The following IARS1 variants were observed in gnomAD, a reference collection of about 807,000 sequenced individuals.
IARS1 encodes the protein isoleucine--tRNA ligase, cytoplasmic.
IARS1 carries 124 observed loss-of-function variants against 168.2 expected under a neutral mutation model. The ratio of observed to expected loss-of-function variants is 0.74; its 90% CI spans 0.64 to 0.86. IARS1 has a LOEUF of 0.86. Ranked by LOEUF, IARS1 falls within the 40% of genes least tolerant of loss-of-function variation. The pLI is 0.00. For synonymous variants in IARS1, 532 were observed against 529.4 expected, an observed-to-expected ratio of 1.00 and a Z score of -0.07; for missense variants, 1,452 against 1,515.8, an observed-to-expected ratio of 0.96 and a Z score of 0.70.
chr9:92,222,726 C>T, intron 32 of IARS1, 54 bp from the exon 33 acceptor site: 2 of 1,594,298 alleles, frequency 1.3e-6, no homozygotes, highest in Non-Finnish European at 1.7e-6. Context: ...CCTCTAGCTC[C>T]AAAAGAGGTG....
chr9:92,255,717 T>C (rs1830622297), intron 20 of IARS1, among the ~76,000 whole-genome samples: 1 of 152,200 alleles, frequency 6.6e-6, no homozygotes, highest in Non-Finnish European at 1.5e-5. Flanking sequence ...CTACTTTATG[T>C]AAATCGTCTC....
chr9:92,286,610 A>C lies in IARS1; in HGVS notation c.405T>G (p.Val135=), dbSNP rs1433892817. The C allele has an allele frequency of 1.3e-6, 2 of 1,536,212 alleles. No individual in the cohort carries two copies. Among genetic ancestry groups the C allele is most frequent in the African/African-American group, 2.7e-5 (2 of 73,452 alleles). ...MRYSAEWKST[V]SRLGRWIDFD... ...AGTCAATCCATCGGCCAAGTCTGCT[A>C]ACAGTAGACTTTAAAATATTAATAT... Residue 135 remains valine, a synonymous_variant, in exon 5 of 34, where the codon GTT becomes GTG. Transcript: ENST00000443024.
Position 92,242,197 on chromosome 9 carries a change from G to C in IARS1, c.3134C>G (p.Pro1045Arg). ...TTIKAPLKPY[P>R]VSPSDKVLIQ... ...AAGGACTTTATCCGATGGAGAAACT[G>C]GATATGGTTTCAAGGGAGCCTTTAT... Residue 1045 changes from proline (P) to arginine (R), a missense_variant, in exon 29 of 34, where the codon CCA (proline) becomes CGA (arginine). Physicochemically the swap from Pro to Arg is moderately radical, Grantham distance 103. Transcript: ENST00000443024. 6.2e-7 allele frequency: 1 copy of C among 1,614,060 alleles called. No individual in the cohort carries two copies. Among genetic ancestry groups the C allele is most frequent in the African/African-American group, 1.3e-5 (1 of 75,054 alleles).
Position 92,222,630 on chromosome 9 carries a change from G to C in IARS1, c.3596C>G (p.Pro1199Arg), listed in dbSNP as rs753563429. 1 of 1,614,032 alleles carries C rather than the reference G, an allele frequency of 6.2e-7. No homozygotes were observed. The highest frequency in any genetic ancestry group is 1.7e-5 in the Admixed American group (1 of 59,994). The stretch of plus-strand genomic sequence containing the variant: ...GTGGGTGAGTCCATTCTGCCCAAGT[G>C]GGTTTTCAAGCAGGAGAGTGCCCAC... ...GTVGTLLLEN[P>R]LGQNGLTHQG... Residue 1199 changes from proline (P) to arginine (R), a missense_variant, in exon 33 of 34, where the codon CCA becomes CGA. Coordinates refer to ENST00000443024, the MANE Select transcript of IARS1 (RefSeq NM_002161.6).
chr9:92,258,978 G>A lies in IARS1; in HGVS notation c.1892C>T (p.Pro631Leu), dbSNP rs145468191. The stretch of plus-strand genomic sequence containing the variant: ...GCGGAGGTTTTCTGCTCTCACCACA[G>A]GGGAGTTAATCAGATATAATCTGGA... ...DALRLYLINS[P>L]VVRAENLRFK... The change falls in exon 19 of 34, where the codon CCT becomes CTT. Residue 631 changes from proline to leucine, a missense_variant. Coordinates refer to ENST00000443024, the MANE Select transcript of IARS1 (RefSeq NM_002161.6). The A allele has an allele frequency of 3.1e-5, 50 of 1,611,148 alleles. No homozygotes were observed. In the African/African-American group the frequency reaches 6.4e-4, roughly 21 times the overall value.
chr9:92,256,341 C>CTTT (rs770667744), intron 20 of IARS1: 1 of 144,162 alleles, frequency 6.9e-6, no homozygotes, highest in Admixed American at 7.0e-5. Context: ...GGCCAGCTAA[C>CTTT]TTTTTTTTTT....
rs756860977 is a variant in IARS1 at position 92,287,865 on chromosome 9, C to A, written c.322G>T (p.Val108Leu). 6.2e-7 allele frequency: 1 copy of A among 1,613,964 alleles called. No homozygotes were observed. Among genetic ancestry groups the A allele is most frequent in the South Asian group, 1.1e-5 (1 of 91,062 alleles). Reference sequence around the variant, plus strand: ...TACTCTGTAATCCCCATTTTGGCCACATCCTCTGGTCCTCTGATTCCCAGT... The same window carrying A: ...TACTCTGTAATCCCCATTTTGGCCAAATCCTCTGGTCCTCTGATTCCCAGT... ...KTLGIRGPED[V>L]AKMGITEYNN... is the part of the protein sequence containing the mutation. The change falls in exon 4 of 34, where the codon GTG (valine) becomes TTG (leucine). Residue 108 changes from valine to leucine, a missense_variant. Val to Leu is a conservative substitution (Grantham distance 32). Coordinates refer to ENST00000443024, the MANE Select transcript of IARS1 (RefSeq NM_002161.6).
At chr9:92,217,599 C>A (rs1023971489) in intron 33 of IARS1, among the ~76,000 whole-genome samples, 1 of 151,044 alleles carries the variant, frequency 6.6e-6, no homozygotes, top group African/African-American at 2.4e-5. Context: ...GATATCACCA[C>A]CGATCCCACA....
intron 33 of IARS1, among the ~76,000 whole-genome samples, chr9:92,213,328 T>C (rs755502201): frequency 1.5e-4 from 23 of 152,202 alleles, no homozygotes; most frequent in Middle Eastern, 3.4e-3. Flanking sequence ...AAGAAACCCA[T>C]AGCAAAAGGG....
At chr9:92,278,308 T>C (rs1834048601) in intron 7 of IARS1, 22 bp from the exon 8 acceptor site, 1 of 1,512,600 alleles carries the variant, frequency 6.6e-7, no homozygotes, top group Admixed American at 1.7e-5. Flanking sequence ...AGGAAAAACA[T>C]GGACTTGGGT....
intron 31 of IARS1, 147 bp from the exon 32 acceptor site, chr9:92,223,636 A>G (rs902557448): frequency 3.1e-6 from 2 of 644,862 alleles, no homozygotes; most frequent in Non-Finnish European, 5.2e-6. Context: ...TGCCTTTTCT[A>G]TAAAACCAGC....
chr9:92,244,746 T>C (rs1435419092), intron 27 of IARS1, among the ~76,000 whole-genome samples: 1 of 152,166 alleles, frequency 6.6e-6, no homozygotes, highest in Non-Finnish European at 1.5e-5. Flanking sequence ...CATGTAGAAA[T>C]CACAAAATGC....
Position 92,243,221 on chromosome 9 carries a change from T to A in IARS1, c.2995A>T (p.Lys999Ter). ...EVINRIQKLR[K>*]KCNLVPTDEI... ...TTCTTAACTGACAAACTAACCTTTT[T>A]GCGAAGTTTCTGTATGCGATTGATG... Residue 999 changes from lysine (K) to a stop codon, truncating the protein, a stop_gained, in exon 28 of 34, where the codon AAA (lysine) becomes TAA (stop). Transcript: ENST00000443024. LOFTEE classifies it high-confidence loss of function. 1.2e-6 allele frequency: 2 copies of A among 1,612,716 alleles called. No homozygotes were observed. The highest frequency in any genetic ancestry group is 1.7e-6 in the Non-Finnish European group (2 of 1,178,814).
At chr9:92,222,705 C>G (rs777771194) in intron 32 of IARS1, 33 bp from the exon 33 acceptor site, 1 of 1,610,626 alleles carries the variant, frequency 6.2e-7, no homozygotes, top group African/African-American at 1.3e-5. Context: ...GATTAAATCT[C>G]GAGAGTTCAC....
At chr9:92,256,082 T>C (rs887292189) in intron 20 of IARS1, among the ~76,000 whole-genome samples, 14 of 151,046 alleles carry the variant, frequency 9.3e-5, no homozygotes, top group Non-Finnish European at 1.8e-4. Flanking sequence ...TGGGAACAAG[T>C]GGTAGAGTTG....
chr9:92,253,520 G>C, intron 20 of IARS1, 67 bp from the exon 21 acceptor site: 1 of 999,660 alleles, frequency 1.0e-6, no homozygotes, highest in Non-Finnish European at 1.6e-6. Context: ...GGAGAGGGTT[G>C]GATACAACAA....
intron 20 of IARS1, among the ~76,000 whole-genome samples, chr9:92,256,044 C>A (rs765815776): frequency 6.6e-6 from 1 of 151,604 alleles, no homozygotes; most frequent in Admixed American, 6.6e-5. Context: ...AGGAAATTGA[C>A]GGTCAGACTT....
chr9:92,229,168 A>AG (rs1383197929), intron 30 of IARS1, 42 bp from the exon 31 acceptor site: 76 of 1,592,874 alleles, frequency 4.8e-5, no homozygotes, highest in Non-Finnish European at 6.4e-5. Flanking sequence ...GACAAATAAA[A>AG]CTAAAAAGAA....
At chr9:92,233,467 G>C (rs1827027183) in intron 30 of IARS1, among the ~76,000 whole-genome samples, 3 of 152,182 alleles carry the variant, frequency 2.0e-5, no homozygotes, top group Admixed American at 6.5e-5. Context: ...CAATGGAAAG[G>C]ACTCTGACAA....
Sources: gnomAD v4.1 joint callset for allele counts (sites outside exome capture counted in the v4.1 genomes callset) on GRCh38, gnomAD v4.1.1 for gene constraint, MANE v1.5 for transcripts, NCBI Gene and HGNC (gene_info 2026-07-23, HGNC 2026-07-21) for gene names.